Variants in ST14 observed in about 807,000 individuals in gnomAD.
ST14 encodes the protein suppressor of tumorigenicity 14 protein.
A neutral mutation model predicts 96.5 loss-of-function variants in ST14; 40 were observed. That is an observed-to-expected ratio of 0.41 (90% confidence interval 0.32 to 0.54). The LOEUF (loss-of-function observed/expected upper bound fraction) is 0.54. Among genes scored for constraint, ST14 ranks in the 20% least tolerant of loss-of-function variants. The pLI, the probability that ST14 is intolerant of heterozygous loss-of-function variation, is 0.17. For missense variants in ST14, 1,066 were observed against 1,188.9 expected (o/e 0.90, Z 1.52); for synonymous variants, 506 against 492.1 (o/e 1.03, Z -0.37).
Position 130,196,687 on chromosome 11 carries a change from C to T in ST14, c.1341C>T (p.Tyr447=), listed in dbSNP as rs148694023. 3.5e-4 allele frequency: 562 copies of T among 1,614,218 alleles called. 3 individuals are homozygous for T. Among genetic ancestry groups the T allele is most frequent in the East Asian group, 9.8e-4 (44 of 44,890 alleles). The change falls in exon 11 of 19, where the codon TAC becomes TAT. Residue 447 remains tyrosine, a synonymous_variant. Coordinates refer to ENST00000278742, the MANE Select transcript of ST14 (RefSeq NM_021978.4). ...DTGFLAEYLS[Y]DSSDPCPGQF... is the part of the protein sequence containing the mutation. ...GCTTCTTAGCTGAATACCTCTCCTA[C>T]GACTCCAGTGACCGTGAGTGAACAT...
chr11:130,193,083 C>T, intron 7 of ST14, among the ~76,000 whole-genome samples: 1 of 149,946 alleles, frequency 6.7e-6, no homozygotes, highest in African/African-American at 2.4e-5. Context: ...TTTAAAAGCA[C>T]CGAGAACCAT....
chr11:130,162,447 C>T (rs551972586), intron 1 of ST14, among the ~76,000 whole-genome samples: 150 of 152,254 alleles, frequency 9.9e-4, no homozygotes, highest in African/African-American at 3.4e-3. Context: ...GTTCCTTTTC[C>T]GATCACAATT....
chr11:130,208,400 T>TC lies in ST14; in HGVS notation c.1995-7dup. 6.2e-7 allele frequency: 1 copy of TC among 1,613,838 alleles called. No homozygotes were observed. The highest frequency in any genetic ancestry group is 2.2e-5 in the East Asian group (1 of 44,896). ...TGACCGCGCAGTCTCATAGCGGCTC[T>TC]CCCTACCAGGTACTCAGACCCCACG... On this transcript the variant is annotated splice_polypyrimidine_tract_variant and intron_variant, in intron 16 of 18. Transcript: ENST00000278742.
At position 130,209,797 on chromosome 11, in the gene ST14, T is replaced by C; in HGVS notation, c.2542T>C (p.Trp848Arg). The C allele has an allele frequency of 6.2e-7, 1 of 1,614,044 alleles. No individual in the cohort carries two copies. The part of the protein sequence containing the change: ...VYTRLPLFRD[W>R]IKENTGV ...CACAAGGCTCCCTCTGTTTCGGGAC[T>C]GGATCAAAGAGAACACTGGGGTATA... is the stretch of plus-strand genomic sequence containing the variant. Residue 848 changes from tryptophan (W) to arginine (R), a missense_variant, in exon 19 of 19, where the codon TGG (tryptophan) becomes CGG (arginine). Trp to Arg is a moderately radical substitution (Grantham distance 101). Coordinates refer to ENST00000278742, the MANE Select transcript of ST14 (RefSeq NM_021978.4).
In ST14 at chr11:130,190,709, G is replaced by T. The variant is rs1168725225; in HGVS notation, c.875+15G>T. 6.2e-5 allele frequency: 96 copies of T among 1,557,742 alleles called. No individual in the cohort carries two copies. The highest frequency in any genetic ancestry group is 8.3e-5 in the Non-Finnish European group (95 of 1,151,346). ...GCCCTGGTGCAGTGAGTACCCCGGGGGGCGGGTAGGGCTGTGGGAGCTTGG... is the reference window on the plus strand; with the variant it reads ...GCCCTGGTGCAGTGAGTACCCCGGGTGGCGGGTAGGGCTGTGGGAGCTTGG... On this transcript the variant is annotated intron_variant, in intron 7 of 18. Transcript: ENST00000278742.
chr11:130,172,728 C>G (rs1953104259), intron 1 of ST14, among the ~76,000 whole-genome samples: 1 of 152,128 alleles, frequency 6.6e-6, no homozygotes, highest in East Asian at 1.9e-4. Flanking sequence ...TTGCTGTCCT[C>G]TTCCTATGGC....
At chr11:130,189,552 G>A in intron 4 of ST14, 187 bp from the exon 5 acceptor site, 1 of 704,680 alleles carries the variant, frequency 1.4e-6, no homozygotes, top group Admixed American at 2.7e-5. Context: ...TGAGAGCAGA[G>A]GGCAAAGGGC....
At chr11:130,184,023 C>T (rs1953216562) in intron 1 of ST14, among the ~76,000 whole-genome samples, 1 of 152,154 alleles carries the variant, frequency 6.6e-6, no homozygotes, top group Non-Finnish European at 1.5e-5. Context: ...GTGAAAGAAG[C>T]CAGATGGAAG....
chr11:130,205,857 C>T (rs527670919), intron 16 of ST14, among the ~76,000 whole-genome samples: 1 of 152,132 alleles, frequency 6.6e-6, no homozygotes, highest in South Asian at 2.1e-4. Flanking sequence ...TGCCACCACG[C>T]CTGGCTAATT....
At chr11:130,174,046 C>G (rs1953115864) in intron 1 of ST14, among the ~76,000 whole-genome samples, 1 of 152,200 alleles carries the variant, frequency 6.6e-6, no homozygotes, top group South Asian at 2.1e-4. Flanking sequence ...AAACAATTGG[C>G]TTGAAGCAGG....
Position 130,181,605 on chromosome 11 carries a change from A to C in ST14, c.82-6509A>C, listed in dbSNP as rs918336081. On this transcript the variant is annotated intron_variant, in intron 1 of 18. Transcript: ENST00000278742. The surrounding 1 kb of genome is among the most constrained non-coding windows in gnomAD (Gnocchi z 4.1). ...AGAGGTGTTATGCCTACAGTTGTCT[A>C]AGTGTCTAAGTGGATGGGAGTTCCC... is the stretch of plus-strand genomic sequence containing the variant. Among the ~76,000 whole-genome samples the C allele has an allele frequency of 6.6e-6, 1 of 152,124 alleles. No individual in the cohort carries two copies. The highest frequency in any genetic ancestry group is 1.5e-5 in the Non-Finnish European group (1 of 68,022).
intron 1 of ST14, among the ~76,000 whole-genome samples, chr11:130,185,854 C>T (rs964183170): frequency 6.6e-6 from 1 of 152,022 alleles, no homozygotes; most frequent in South Asian, 2.1e-4. Context: ...GTCACCCAGG[C>T]CGGAGTTCAG....
intron 7 of ST14, among the ~76,000 whole-genome samples, chr11:130,191,692 A>C (rs1591888769): frequency 4.8e-5 from 1 of 20,798 alleles, no homozygotes; most frequent in Admixed American, 9.3e-4. Flanking sequence ...TCTGTCTCAA[A>C]AAAAAAAAAA....
intron 17 of ST14, among the ~76,000 whole-genome samples, chr11:130,209,192 G>A (rs559522562): frequency 3.9e-5 from 6 of 152,100 alleles, no homozygotes; most frequent in African/African-American, 4.8e-5. Flanking sequence ...TCTGCTTCTT[G>A]TTCCCTCACC....
At position 130,196,162 on chromosome 11, in the gene ST14, AAAAC is replaced by A. The variant is rs546547296; in HGVS notation, c.1114-147_1114-144del. On this transcript the variant is annotated intron_variant, in intron 9 of 18. Coordinates refer to ENST00000278742, the MANE Select transcript of ST14 (RefSeq NM_021978.4). Reference sequence around the variant, plus strand: ...GCGACAGAGCAAGACTCCATCTCAAAAAACAAACAAACAAACAAACAAACAAACA... The same window carrying A: ...GCGACAGAGCAAGACTCCATCTCAAAAAACAAACAAACAAACAAACAAACA... 4.0e-4 allele frequency among the ~76,000 whole-genome samples: 60 copies of A among 148,612 alleles called. 1 individual carries two copies. The highest frequency in any genetic ancestry group is 3.6e-3 in the Middle Eastern group (1 of 280).
chr11:130,177,038 T>G (rs1223371587), intron 1 of ST14, among the ~76,000 whole-genome samples: 1 of 151,508 alleles, frequency 6.6e-6, no homozygotes, highest in African/African-American at 2.4e-5. Flanking sequence ...GACCTCGTGA[T>G]CCACCTGCCT....
intron 1 of ST14, among the ~76,000 whole-genome samples, chr11:130,173,083 C>T (rs1000986029): frequency 6.6e-6 from 1 of 152,208 alleles, no homozygotes; most frequent in Non-Finnish European, 1.5e-5. Flanking sequence ...ATACTTTTCT[C>T]TGTGCCTCAG....
chr11:130,159,911 C>A lies in ST14; in HGVS notation c.-69C>A, dbSNP rs1952985668. On this transcript the variant is annotated 5_prime_UTR_variant, in exon 1 of 19. In the 5' UTR this introduces an upstream ATG that the reference lacks. Coordinates refer to ENST00000278742, the MANE Select transcript of ST14 (RefSeq NM_021978.4). ...CCGCCTGCGCCCCGCGCCCCGCGCCCTGCGGGCCATGGGAGCCGGCCGCCG... is the reference window on the plus strand; with the variant it reads ...CCGCCTGCGCCCCGCGCCCCGCGCCATGCGGGCCATGGGAGCCGGCCGCCG... 9.7e-7 allele frequency: 1 copy of A among 1,031,176 alleles called. No homozygotes were observed. Among genetic ancestry groups the A allele is most frequent in the South Asian group, 4.7e-5 (1 of 21,098 alleles). The allele number at this position is 1,031,176 out of a possible 1,614,324, so 63.9% of individuals were successfully genotyped here. A position where few individuals can be genotyped will look rare whatever the true frequency, so the allele number is the denominator to read the frequency against.
chr11:130,208,407 C>G lies in ST14; in HGVS notation c.1995-3C>G. 5 of 1,614,054 alleles carry G rather than the reference C, an allele frequency of 3.1e-6. No homozygotes were observed. The highest frequency in any genetic ancestry group is 4.2e-6 in the Non-Finnish European group (5 of 1,180,030). ...GCAGTCTCATAGCGGCTCTCCCTAC[C>G]AGGTACTCAGACCCCACGCAGTGGA... On this transcript the variant is annotated splice_polypyrimidine_tract_variant and splice_region_variant and intron_variant, in intron 16 of 18. Coordinates refer to ENST00000278742, the MANE Select transcript of ST14 (RefSeq NM_021978.4).
Sources: gnomAD v4.1 joint callset for allele counts (sites outside exome capture counted in the v4.1 genomes callset) on GRCh38, gnomAD v4.1.1 for gene constraint, Gnocchi (gnomAD v3.1) non-coding constraint, MANE v1.5 for transcripts, NCBI Gene and HGNC (gene_info 2026-07-23, HGNC 2026-07-21) for gene names.